Variants in CSTL1 observed in about 807,000 individuals in gnomAD.
The protein encoded by CSTL1 is cystatin-like 1.
CSTL1 carries 14 observed loss-of-function variants against 14.4 expected under a neutral mutation model. That is an observed-to-expected ratio of 0.97 (90% CI 0.64 to 1.52). The LOEUF is 1.52. Ranked by LOEUF, CSTL1 falls within the 40% of genes most tolerant of loss-of-function variation. The probability of loss-of-function intolerance (pLI) is 0.00; values close to 1 mark genes in which losing one functional copy is unlikely to be tolerated. For missense variants in CSTL1, 170 were observed against 168.7 expected, an observed-to-expected ratio of 1.01 and a Z score of -0.04; for synonymous variants, 72 against 67.5, an observed-to-expected ratio of 1.07 and a Z score of -0.33.
the CSTL1 span, among the ~76,000 whole-genome samples, chr20:23,453,329 C>T: frequency 6.6e-6 from 1 of 152,286 alleles, no homozygotes; most frequent in African/African-American, 2.4e-5. Context: ...GGAGCAGAGG[C>T]ACCCTACAGA....
At chr20:23,459,664 G>T in the CSTL1 span, among the ~76,000 whole-genome samples, 1 of 152,132 alleles carries the variant, frequency 6.6e-6, no homozygotes, top group Non-Finnish European at 1.5e-5. Flanking sequence ...CAGAACACCT[G>T]TCAAAAACCA....
downstream of CSTL1, among the ~76,000 whole-genome samples, chr20:23,449,548 T>G (rs1407645609): frequency 6.6e-6 from 1 of 152,186 alleles, no homozygotes; most frequent in Non-Finnish European, 1.5e-5. Context: ...AGGACACACC[T>G]AACCCATTGA....
rs17757442 is a variant in CSTL1, at chr20:23,440,464, G to A, written c.197G>A (p.Arg66Lys). 0.084 allele frequency: 135,446 copies of A among 1,613,444 alleles called. 7,000 individuals are homozygous for A. The highest frequency in any genetic ancestry group is 0.27 in the East Asian group (11,978 of 44,850). ...SNDTYLYRVQ[R>K]LIRSQMQLTT... ...GACACCTACTTATATCGAGTCCAGA[G>A]GCTAATTCGAAGTCAGATGCAGGTT... is the stretch of plus-strand genomic sequence containing the variant. The change falls in exon 2 of 4, where the codon AGG becomes AAG. Residue 66 changes from arginine (R) to lysine (K), a missense_variant. Transcript: ENST00000347397.
At chr20:23,447,032 A>G (rs185145790), downstream of CSTL1, among the ~76,000 whole-genome samples, 16 of 152,312 alleles carry the variant, frequency 1.1e-4, no homozygotes, top group East Asian at 2.5e-3. Flanking sequence ...AATCTAAGCT[A>G]ATTGAGGGCT....
chr20:23,445,921 A>G (rs1986956764), downstream of CSTL1, among the ~76,000 whole-genome samples: 1 of 152,124 alleles, frequency 6.6e-6, no homozygotes, highest in Non-Finnish European at 1.5e-5. Context: ...GAGCTTCCAG[A>G]GTTCTCTCTC....
downstream of CSTL1, among the ~76,000 whole-genome samples, chr20:23,446,674 C>T (rs1422853309): frequency 6.6e-6 from 1 of 152,158 alleles, no homozygotes; most frequent in Non-Finnish European, 1.5e-5. Context: ...GTGTTTTCTC[C>T]TCTTCTCTGG....
chr20:23,440,891 AGAT>A, intron 2 of CSTL1: 2 of 329,204 alleles, frequency 6.1e-6, no homozygotes, highest in Non-Finnish European at 5.9e-6. Flanking sequence ...CAAGTAGCTG[AGAT>A]TACAGGTACG....
At chr20:23,449,187 C>T (rs1987023959), downstream of CSTL1, among the ~76,000 whole-genome samples, 2 of 152,202 alleles carry the variant, frequency 1.3e-5, no homozygotes, top group South Asian at 4.1e-4. Context: ...TCTCAAATCT[C>T]ACACTTTCTG....
chr20:23,450,457 T>C, the CSTL1 span: 3 of 1,213,412 alleles, frequency 2.5e-6, no homozygotes, highest in South Asian at 1.4e-5. Context: ...TATTGCCCAT[T>C]GCAGGATTCT....
chr20:23,453,271 T>C, the CSTL1 span, among the ~76,000 whole-genome samples: 1 of 152,056 alleles, frequency 6.6e-6, no homozygotes, highest in South Asian at 2.1e-4. Flanking sequence ...TCCCCCAGCC[T>C]GGTTCCTGGA....
chr20:23,449,622 T>G (rs1987033502), downstream of CSTL1, among the ~76,000 whole-genome samples: 1 of 152,062 alleles, frequency 6.6e-6, no homozygotes, highest in South Asian at 2.1e-4. Context: ...CCCGGTGACA[T>G]CATCTGAGAC....
At chr20:23,440,708 C>G (rs1182766038) in intron 2 of CSTL1, 1 of 646,906 alleles carries the variant, frequency 1.5e-6, no homozygotes, top group Non-Finnish European at 2.9e-6. Flanking sequence ...GGCATGAACT[C>G]TAACTCCAAT....
the CSTL1 span, among the ~76,000 whole-genome samples, chr20:23,451,645 C>T: frequency 0.015 from 2,337 of 152,252 alleles, 58 homozygotes; most frequent in East Asian, 0.069. Flanking sequence ...AGCAGCATCT[C>T]GGCTGTCTCC....
downstream of CSTL1, among the ~76,000 whole-genome samples, chr20:23,447,861 ATTGT>A (rs1009212381): frequency 2.6e-5 from 4 of 152,182 alleles, no homozygotes; most frequent in African/African-American, 4.8e-5. Context: ...ACTTTTAAAC[ATTGT>A]TTGTTTTTTA....
At position 23,444,885 on chromosome 20, in the gene CSTL1, A is replaced by G; in HGVS notation, c.*7A>G. On this transcript the variant is annotated 3_prime_UTR_variant, in exon 4 of 4. Transcript: ENST00000347397. ...GGGCAGAAACCTCAGATGAGGGCTC[A>G]TATGATTGAGTTGTGCACTGGCTGT... 1 of 1,588,026 alleles carries G rather than the reference A, an allele frequency of 6.3e-7. No homozygotes were observed. The highest frequency in any genetic ancestry group is 8.6e-7 in the Non-Finnish European group (1 of 1,156,268).
rs140956112 is a variant in CSTL1 at position 23,444,020 on chromosome 20, C to T, written c.306C>T (p.Pro102=). Residue 102 remains proline, a synonymous_variant, in exon 3 of 4, where the codon CCC becomes CCT. Transcript: ENST00000347397. ...ATGACACGAGCAATTCTTCCTGCCC[C>T]CTGCAAAGCAAGAAGCTGAGAAAGG... The part of the protein sequence containing the change: ...KRNDTSNSSC[P]LQSKKLRKSL... 80 of 1,613,912 alleles carry T rather than the reference C, an allele frequency of 5.0e-5. No homozygotes were observed. The highest frequency in any genetic ancestry group is 6.4e-5 in the Non-Finnish European group (76 of 1,179,874).
downstream of CSTL1, among the ~76,000 whole-genome samples, chr20:23,448,451 G>A (rs115312776): frequency 0.024 from 3,659 of 152,210 alleles, 147 homozygotes; most frequent in African/African-American, 0.082. Context: ...GAATGTACAC[G>A]TGTGACTAAA....
intron 2 of CSTL1, chr20:23,440,867 C>T: frequency 3.0e-6 from 1 of 338,008 alleles, no homozygotes. Context: ...AGTGATTCTC[C>T]TGCCTCAGCC....
At chr20:23,451,890 C>T in the CSTL1 span, 4 of 1,614,040 alleles carry the variant, frequency 2.5e-6, no homozygotes, top group African/African-American at 4.0e-5. Context: ...TGCATTTCCA[C>T]ATTCAGGTGA....
Sources: gnomAD v4.1 joint callset for allele counts (sites outside exome capture counted in the v4.1 genomes callset) on GRCh38, gnomAD v4.1.1 for gene constraint, MANE v1.5 for transcripts, NCBI Gene and HGNC (gene_info 2026-07-23, HGNC 2026-07-21) for gene names.